PDE4D: variants seen among roughly 807,000 people sequenced by gnomAD.
PDE4D encodes the protein 3',5'-cyclic-AMP phosphodiesterase 4D.
In PDE4D, 24 loss-of-function variants were observed where a neutral mutation model predicts 87.4. The ratio of observed to expected loss-of-function variants is 0.27; its 90% CI spans 0.20 to 0.39. The LOEUF (loss-of-function observed/expected upper bound fraction) is 0.39. Ranked by LOEUF, PDE4D falls within the 10% of genes least tolerant of loss-of-function variation. The pLI is 1.00. For synonymous variants in PDE4D, 384 were observed against 383.2 expected (o/e 1.00, Z -0.02); for missense variants, 714 against 1,041.0 (o/e 0.69, Z 4.32).
At chr5:60,385,416 A>G (rs942688270) in intron 1 of PDE4D, among the ~76,000 whole-genome samples, 2 of 152,232 alleles carry the variant, frequency 1.3e-5, no homozygotes, top group Non-Finnish European at 2.9e-5. Flanking sequence ...CGATGCTCTC[A>G]AGGATGTTAA....
intron 6 of PDE4D, chr5:58,999,529 T>A: frequency 6.5e-7 from 1 of 1,534,878 alleles, no homozygotes; most frequent in Non-Finnish European, 8.8e-7. Flanking sequence ...ATAGTTTGCT[T>A]CAGGCATTTT....
At chr5:59,270,763 A>G (rs1224459897) in intron 1 of PDE4D, among the ~76,000 whole-genome samples, 1 of 152,208 alleles carries the variant, frequency 6.6e-6, no homozygotes, top group Non-Finnish European at 1.5e-5. Flanking sequence ...TTTTATGGCC[A>G]TTAAAAAGAT....
chr5:59,587,002 A>G lies in PDE4D; in HGVS notation c.455+306166T>C, dbSNP rs369878483. Reference sequence around the variant, plus strand: ...TATCACCAAAGCCAACTTCTTTCCCAGATTTCAGAATTGCTGGTTCAACTG... The same window carrying G: ...TATCACCAAAGCCAACTTCTTTCCCGGATTTCAGAATTGCTGGTTCAACTG... On this transcript the variant is annotated intron_variant, in intron 1 of 14. Coordinates refer to ENST00000340635, the MANE Select transcript of PDE4D (RefSeq NM_001104631.2). 15 of 985,466 alleles carry G rather than the reference A, an allele frequency of 1.5e-5. No individual in the cohort carries two copies. The East Asian group carries it at 7.9e-4, about 52-fold the overall frequency. The allele number at this position is 985,466 out of a possible 1,614,324, so 61.0% of individuals were successfully genotyped here.
chr5:59,837,902 T>C (rs1024756960), intron 1 of PDE4D, among the ~76,000 whole-genome samples: 1 of 152,108 alleles, frequency 6.6e-6, no homozygotes, highest in African/African-American at 2.4e-5. Context: ...ATCAGTTGTA[T>C]GCATGGCTCA....
intron 6 of PDE4D, among the ~76,000 whole-genome samples, chr5:59,037,050 G>T (rs1758649195): frequency 6.6e-6 from 1 of 151,876 alleles, no homozygotes; most frequent in African/African-American, 2.4e-5. Context: ...TTAAAAGAAA[G>T]GAATCATTTT....
intron 3 of PDE4D, among the ~76,000 whole-genome samples, chr5:59,949,434 C>CAAAAA (rs59654913): frequency 0.035 from 2,001 of 57,524 alleles, 104 homozygotes; most frequent in African/African-American, 0.12. Flanking sequence ...CTCCGTCTCA[C>CAAAAA]AAAAAAAAAA....
chr5:60,407,984 T>C (rs1217186359), intron 1 of PDE4D, among the ~76,000 whole-genome samples: 28 of 152,064 alleles, frequency 1.8e-4, no homozygotes, highest in Admixed American at 1.8e-3. Context: ...TTCCGTCTTC[T>C]TTACTGGAAC....
chr5:59,828,968 T>C (rs748325106), intron 1 of PDE4D, among the ~76,000 whole-genome samples: 5 of 151,810 alleles, frequency 3.3e-5, no homozygotes, highest in Non-Finnish European at 7.4e-5. Context: ...GGGAAAAAAA[T>C]ACTGGAAAAA....
chr5:60,485,120 T>C (rs3763059), intron 1 of PDE4D, among the ~76,000 whole-genome samples: 20,202 of 152,118 alleles, frequency 0.13, 2,581 homozygotes, highest in African/African-American at 0.33. Context: ...GCTCCTCTTC[T>C]ACCAGTGTCT....
rs551144093 is a variant in PDE4D at position 60,043,103 on chromosome 5, C to T, written c.43-54386G>A. ...TAATCAGTTTAGAGAAGAATATAAA[C>T]GACCTGATGGAGCTGAAAAACCCAG... On this transcript the variant is annotated intron_variant, in intron 2 of 16. Transcript: ENST00000502484. Among the ~76,000 whole-genome samples the T allele has an allele frequency of 1.1e-4, 17 of 151,778 alleles. No individual in the cohort carries two copies. In the South Asian group the frequency reaches 3.1e-3, roughly 28 times the overall value.
At chr5:60,352,602 A>T (rs983069514) in intron 1 of PDE4D, among the ~76,000 whole-genome samples, 11 of 152,338 alleles carry the variant, frequency 7.2e-5, no homozygotes, top group African/African-American at 2.6e-4. Context: ...TGGTATTTTC[A>T]ATCTCTAGTT....
At chr5:59,490,448 T>C (rs1240869568) in intron 1 of PDE4D, among the ~76,000 whole-genome samples, 1 of 152,202 alleles carries the variant, frequency 6.6e-6, no homozygotes, top group Non-Finnish European at 1.5e-5. Flanking sequence ...ATAAATATTA[T>C]GATCTCCACT....
At chr5:59,528,341 C>G (rs113420205) in intron 1 of PDE4D, among the ~76,000 whole-genome samples, 11 of 152,230 alleles carry the variant, frequency 7.2e-5, no homozygotes, top group African/African-American at 2.4e-4. Context: ...GAATGGATGA[C>G]AGAATCAGGA....
chr5:59,781,436 A>C (rs567663567), intron 1 of PDE4D, among the ~76,000 whole-genome samples: 1 of 152,228 alleles, frequency 6.6e-6, no homozygotes, highest in Non-Finnish European at 1.5e-5. Flanking sequence ...GACATGATGT[A>C]CAACTTTAAT....
exon 2 of PDE4D, chr5:60,185,686 T>C: frequency 1.3e-6 from 1 of 759,274 alleles, no homozygotes. Flanking sequence ...CCAACTGGAA[T>C]GCTGAAAAGA....
chr5:59,200,188 T>G lies in PDE4D; in HGVS notation c.648-6652A>C, dbSNP rs116591626. Among the ~76,000 whole-genome samples the G allele has an allele frequency of 1.0e-3, 146 of 139,808 alleles. 2 individuals carry two copies. The highest frequency in any genetic ancestry group is 3.3e-3 in the African/African-American group (131 of 39,714). The allele number at this position is 139,808 out of a possible 152,430, so 91.7% of individuals were successfully genotyped here. Reference sequence around the variant, plus strand: ...GTATACACGTGTATGTATATATGTATACATACACGTGTATGTATAGATACA... The same window carrying G: ...GTATACACGTGTATGTATATATGTAGACATACACGTGTATGTATAGATACA... On this transcript the variant is annotated intron_variant, in intron 2 of 14. Transcript: ENST00000340635.
chr5:60,152,979 C>A (rs1258415589), intron 2 of PDE4D, among the ~76,000 whole-genome samples: 2 of 151,952 alleles, frequency 1.3e-5, no homozygotes, highest in South Asian at 2.1e-4. Flanking sequence ...ACAATAATTT[C>A]TTGGATATGA....
At position 58,971,971 on chromosome 5, in the gene PDE4D, T is replaced by C. The variant is rs756749847; in HGVS notation, c.*2693A>G. 1 of 152,420 alleles carries C rather than the reference T, an allele frequency of 6.6e-6. No individual in the cohort carries two copies. Among genetic ancestry groups the C allele is most frequent in the Admixed American group, 6.6e-5 (1 of 15,218 alleles). The allele number at this position is 152,420 out of a possible 1,614,324, so 9.4% of individuals were successfully genotyped here. On this transcript the variant is annotated 3_prime_UTR_variant, in exon 15 of 15. Coordinates refer to ENST00000340635, the MANE Select transcript of PDE4D (RefSeq NM_001104631.2). ...CAATTTGATTGTCCATTAGTGGGTA[T>C]CTTTACAACACGGTACCATTAAAAA...
intron 1 of PDE4D, among the ~76,000 whole-genome samples, chr5:59,551,288 TA>T (rs1482632845): frequency 1.5e-4 from 22 of 149,368 alleles, no homozygotes; most frequent in Admixed American, 1.2e-3. Flanking sequence ...AATTATATAT[TA>T]TATATTAATG....
Sources: allele counts gnomAD v4.1 joint callset (sites outside exome capture counted in the v4.1 genomes callset), GRCh38; gene constraint gnomAD v4.1.1; transcripts MANE v1.5; gene names NCBI Gene and HGNC (gene_info 2026-07-23, HGNC 2026-07-21).